CNTN5: variants seen among roughly 807,000 people sequenced by gnomAD.
The protein encoded by CNTN5 is contactin-5.
A neutral mutation model predicts 129.1 loss-of-function variants in CNTN5; 77 were observed. The observed-to-expected ratio is 0.60, with a 90% confidence interval of 0.50 to 0.72. The LOEUF (loss-of-function observed/expected upper bound fraction) is 0.72, where lower values mean the gene tolerates loss of function less well. Ranked by LOEUF, CNTN5 falls within the 30% of genes least tolerant of loss-of-function variation. CNTN5 has a pLI of 0.00. For missense variants in CNTN5, 1,478 were observed against 1,328.8 expected (o/e 1.11, Z -1.75); for synonymous variants, 509 against 465.6 (o/e 1.09, Z -1.20).
chr11:99,462,242 A>T (rs555915471), intron 2 of CNTN5, among the ~76,000 whole-genome samples: 1 of 152,282 alleles, frequency 6.6e-6, no homozygotes, highest in East Asian at 1.9e-4. Context: ...GGGAATTGAT[A>T]AAAGTTTGTA....
chr11:100,216,127 G>C (rs1354926455), intron 15 of CNTN5, among the ~76,000 whole-genome samples: 3 of 152,006 alleles, frequency 2.0e-5, no homozygotes, highest in Non-Finnish European at 4.4e-5. Flanking sequence ...CACAATACCA[G>C]GTCAATACTC....
At chr11:99,121,260 A>G (rs1858312233) in intron 1 of CNTN5, among the ~76,000 whole-genome samples, 1 of 151,196 alleles carries the variant, frequency 6.6e-6, no homozygotes, top group Admixed American at 6.6e-5. Flanking sequence ...TCAGCCTTCC[A>G]AGTAGCTGGG....
intron 9 of CNTN5, among the ~76,000 whole-genome samples, chr11:100,007,481 C>T (rs913289956): frequency 6.6e-6 from 1 of 152,060 alleles, no homozygotes; most frequent in African/African-American, 2.4e-5. Flanking sequence ...CTGAAGTTTT[C>T]ACATCAGCAC....
intron 18 of CNTN5, among the ~76,000 whole-genome samples, chr11:100,277,627 T>G (rs1431767111): frequency 2.0e-5 from 3 of 152,170 alleles, no homozygotes; most frequent in Non-Finnish European, 4.4e-5. Flanking sequence ...TTTTGAGAAA[T>G]GTCTTTTCAA....
chr11:99,681,999 A>G (rs1440872508), intron 3 of CNTN5, among the ~76,000 whole-genome samples: 1 of 152,064 alleles, frequency 6.6e-6, no homozygotes, highest in East Asian at 1.9e-4. Context: ...GAAACACAAA[A>G]AAGGGTAAGC....
At chr11:99,637,631 G>T (rs781677658) in intron 3 of CNTN5, among the ~76,000 whole-genome samples, 10 of 150,518 alleles carry the variant, frequency 6.6e-5, no homozygotes, top group Non-Finnish European at 1.2e-4. Flanking sequence ...TTTTTAGTTT[G>T]TTTTTAAACT....
intron 1 of CNTN5, among the ~76,000 whole-genome samples, chr11:99,245,625 G>A (rs528279428): frequency 1.3e-5 from 2 of 152,140 alleles, no homozygotes; most frequent in South Asian, 4.1e-4. Context: ...CTGGCTCATT[G>A]CATAAACATT....
chr11:99,028,466 CCTT>C (rs1863209137), intron 1 of CNTN5, among the ~76,000 whole-genome samples: 4 of 151,848 alleles, frequency 2.6e-5, no homozygotes, highest in Admixed American at 2.0e-4. Context: ...CAATATTTCT[CCTT>C]CTGGAGACTT....
At chr11:100,065,679 C>T (rs192910675) in intron 10 of CNTN5, among the ~76,000 whole-genome samples, 1 of 151,944 alleles carries the variant, frequency 6.6e-6, no homozygotes, top group Non-Finnish European at 1.5e-5. Flanking sequence ...ACCTCCACCC[C>T]CAAGGATAGC....
At position 100,099,728 on chromosome 11, in the gene CNTN5, G is replaced by A. The variant is rs969705159; in HGVS notation, c.1580+25434G>A. ...TCCAATTACCTTCTCTGTGATGTAG[G>A]CCCCAGTTGAAGAATTCATCATTAT... is the stretch of plus-strand genomic sequence containing the variant. On this transcript the variant is annotated intron_variant, in intron 13 of 24. Transcript: ENST00000524871. Among the ~76,000 whole-genome samples the A allele has an allele frequency of 5.9e-5, 9 of 151,468 alleles. No homozygotes were observed. In the East Asian group the frequency reaches 7.8e-4, roughly 13 times the overall value.
chr11:100,120,835 T>A (rs1565260368), intron 13 of CNTN5, among the ~76,000 whole-genome samples: 1 of 151,926 alleles, frequency 6.6e-6, no homozygotes, highest in East Asian at 1.9e-4. Context: ...CATAATGTAA[T>A]AAAAATAAAT....
In CNTN5 at chr11:99,923,786, T is replaced by TCTAC. The variant is rs1306946275; in HGVS notation, c.673+7640_673+7641insCCTA. Among the ~76,000 whole-genome samples, 8 of 151,906 alleles carry TCTAC rather than the reference T, an allele frequency of 5.3e-5. 1 individual carries two copies. Among genetic ancestry groups the TCTAC allele is most frequent in the African/African-American group, 1.9e-4 (8 of 41,422 alleles). On this transcript the variant is annotated intron_variant, in intron 7 of 24. Coordinates refer to ENST00000524871, the MANE Select transcript of CNTN5 (RefSeq NM_014361.4). ...ATCTATCTATCTATCTATCTATCTA[T>TCTAC]CTATCTATCTATCTATCTATCTGAC...
At chr11:99,850,194 T>G (rs1046417844) in intron 6 of CNTN5, among the ~76,000 whole-genome samples, 2 of 152,154 alleles carry the variant, frequency 1.3e-5, no homozygotes, top group African/African-American at 4.8e-5. Flanking sequence ...TGATGTGTAA[T>G]CACTCTTTCT....
chr11:100,040,593 C>T (rs1237132285), intron 9 of CNTN5, among the ~76,000 whole-genome samples: 1 of 152,230 alleles, frequency 6.6e-6, no homozygotes, highest in Non-Finnish European at 1.5e-5. Flanking sequence ...GCAGGCAGGC[C>T]TCCTTGAGCT....
intron 3 of CNTN5, among the ~76,000 whole-genome samples, chr11:99,777,068 C>G (rs1945148831): frequency 6.6e-6 from 1 of 151,780 alleles, no homozygotes; most frequent in Non-Finnish European, 1.5e-5. Context: ...AGCAAATATT[C>G]TACTTCCCAA....
intron 13 of CNTN5, among the ~76,000 whole-genome samples, chr11:100,090,926 A>G (rs922576393): frequency 3.3e-5 from 5 of 152,042 alleles, no homozygotes; most frequent in Admixed American, 3.3e-4. Flanking sequence ...TGCTCTGTAC[A>G]GCATTCTCTA....
At position 100,357,081 on chromosome 11, in the gene CNTN5, T is replaced by C. The variant is rs1174510466; in HGVS notation, c.*861T>C. On this transcript the variant is annotated 3_prime_UTR_variant, in exon 25 of 25. Coordinates refer to ENST00000524871, the MANE Select transcript of CNTN5 (RefSeq NM_014361.4). ...GAATATGGGACAGAGCGTTTCCATT[T>C]CTTTACCTACTGCCAAAACAGATGT... 1 of 151,802 alleles carries C rather than the reference T, an allele frequency of 6.6e-6. No individual in the cohort carries two copies. Among genetic ancestry groups the C allele is most frequent in the East Asian group, 1.9e-4 (1 of 5,182 alleles). 9.4% of individuals were successfully genotyped at this position (151,802 alleles called of 1,614,324 possible). A position where few individuals can be genotyped will look rare whatever the true frequency, so the allele number is the denominator to read the frequency against.
chr11:99,892,961 C>G (rs778111570), intron 6 of CNTN5, among the ~76,000 whole-genome samples: 11 of 152,104 alleles, frequency 7.2e-5, no homozygotes, highest in Non-Finnish European at 1.5e-4. Context: ...TATCCATGAG[C>G]ATGAAATGAA....
At chr11:99,610,999 G>A (rs1950577267) in intron 3 of CNTN5, among the ~76,000 whole-genome samples, 2 of 152,174 alleles carry the variant, frequency 1.3e-5, no homozygotes, top group African/African-American at 4.8e-5. Flanking sequence ...TACTAATGTA[G>A]TTGAGCCTTC....
Sources: gnomAD v4.1 joint callset for allele counts (sites outside exome capture counted in the v4.1 genomes callset) on GRCh38, gnomAD v4.1.1 for gene constraint, MANE v1.5 for transcripts, NCBI Gene and HGNC (gene_info 2026-07-23, HGNC 2026-07-21) for gene names.